CFAP47: variants seen among roughly 807,000 people sequenced by gnomAD.
The protein encoded by CFAP47 is cilia and flagella associated protein 47, also known as cilia- and flagella-associated protein 47.
A neutral mutation model predicts 148.1 loss-of-function variants in CFAP47; 29 were observed. The observed-to-expected ratio is 0.20, with a 90% confidence interval of 0.15 to 0.27. CFAP47 has a LOEUF of 0.27. Among genes scored for constraint, CFAP47 ranks in the 10% least tolerant of loss-of-function variants. The pLI is 1.00. For missense variants in CFAP47, 1,872 were observed against 1,697.5 expected, an observed-to-expected ratio of 1.10 and a Z score of -1.81; for synonymous variants, 664 against 577.3, an observed-to-expected ratio of 1.15 and a Z score of -2.15.
chrX:36,091,703 C>T (rs1339474525), intron 30 of CFAP47, among the ~76,000 whole-genome samples: 1 of 111,323 alleles, frequency 9.0e-6, no homozygotes, highest in Non-Finnish European at 1.9e-5. Flanking sequence ...CCATGTCAAA[C>T]TTAACTCTAG....
chrX:36,175,320 C>T (rs752469280), intron 39 of CFAP47, among the ~76,000 whole-genome samples: 1 of 112,362 alleles, frequency 8.9e-6, no homozygotes, highest in African/African-American at 3.2e-5. Flanking sequence ...CATTCTCCGT[C>T]TCTTTGTTCC....
chrX:36,329,766 G>GT (rs1178341041), intron 57 of CFAP47, among the ~76,000 whole-genome samples: 12 of 111,042 alleles, frequency 1.1e-4, no homozygotes, highest in African/African-American at 2.9e-4. Context: ...AATTTGATGA[G>GT]TTTTGGTTGC....
chrX:35,942,572 A>G (rs1244140020), intron 3 of CFAP47, among the ~76,000 whole-genome samples: 1 of 109,005 alleles, frequency 9.2e-6, no homozygotes, highest in African/African-American at 3.5e-5. Context: ...ATTTTAGAGC[A>G]CTGATATTTA....
Position 36,226,546 on chromosome X carries a change from C to T in CFAP47, c.6818-2082C>T, listed in dbSNP as rs188906472. Among the ~76,000 whole-genome samples the T allele has an allele frequency of 1.8e-4, 20 of 111,252 alleles. No individual in the cohort carries two copies. In the East Asian group the frequency reaches 5.6e-3, roughly 31 times the overall value. ...TTATTTTGGATATTTAAAAATGAAACAGATATTGATTTATAAATACATCAT... is the reference window on the plus strand; with the variant it reads ...TTATTTTGGATATTTAAAAATGAAATAGATATTGATTTATAAATACATCAT... On this transcript the variant is annotated intron_variant, in intron 45 of 63. Coordinates refer to ENST00000378653, the MANE Select transcript of CFAP47 (RefSeq NM_001304548.2).
chrX:36,373,623 C>A (rs1377317832), intron 62 of CFAP47, among the ~76,000 whole-genome samples: 1 of 111,329 alleles, frequency 9.0e-6, no homozygotes, highest in Non-Finnish European at 1.9e-5. Flanking sequence ...CATAGACATG[C>A]AAAGAGGGGG....
chrX:36,106,123 G>T (rs1429654783), intron 33 of CFAP47, among the ~76,000 whole-genome samples: 1 of 111,830 alleles, frequency 8.9e-6, no homozygotes, highest in African/African-American at 3.2e-5. Flanking sequence ...TCTAAAACAG[G>T]ATATCCTTCA....
chrX:36,001,383 TA>T (rs1936912982), intron 20 of CFAP47, among the ~76,000 whole-genome samples: 1 of 111,432 alleles, frequency 9.0e-6, no homozygotes. Context: ...TTCATCTGAG[TA>T]TGACTATAAC....
chrX:35,980,111 G>A (rs983006073), intron 15 of CFAP47, among the ~76,000 whole-genome samples: 3 of 112,061 alleles, frequency 2.7e-5, no homozygotes, highest in Admixed American at 9.5e-5. Flanking sequence ...GATGTCTCCA[G>A]TAAGGAAGGA....
chrX:36,373,095 A>G (rs893199396), intron 62 of CFAP47, among the ~76,000 whole-genome samples: 23 of 111,506 alleles, frequency 2.1e-4, no homozygotes, highest in African/African-American at 6.8e-4. Context: ...TAGAATTTTT[A>G]TAGATAGCAT....
intron 45 of CFAP47, among the ~76,000 whole-genome samples, chrX:36,209,664 A>G (rs1300721405): frequency 9.0e-6 from 1 of 111,638 alleles, no homozygotes; most frequent in African/African-American, 3.3e-5. Context: ...CAAGTAAAAA[A>G]TAAAAGGATA....
At chrX:36,219,420 C>G (rs1454905143) in intron 45 of CFAP47, among the ~76,000 whole-genome samples, 2 of 111,372 alleles carry the variant, frequency 1.8e-5, no homozygotes, top group African/African-American at 6.5e-5. Context: ...TCCATCATGG[C>G]TGGTAATTCA....
chrX:36,089,961 A>C (rs1938156742), intron 30 of CFAP47, among the ~76,000 whole-genome samples: 1 of 112,229 alleles, frequency 8.9e-6, no homozygotes, highest in Admixed American at 9.5e-5. Flanking sequence ...TCCTGAAACT[A>C]TTCCAATATA....
chrX:35,957,207 CAAA>C (rs371147219), intron 8 of CFAP47, among the ~76,000 whole-genome samples: 2 of 33,693 alleles, frequency 5.9e-5, no homozygotes, highest in Admixed American at 3.7e-4. Flanking sequence ...GACTCCATCT[CAAA>C]AAAAAAAAAA....
At chrX:36,104,769 A>G (rs1490503761) in intron 33 of CFAP47, 78 bp downstream of exon 33, 13 of 387,249 alleles carry the variant, frequency 3.4e-5, no homozygotes, top group Non-Finnish European at 5.8e-5. Flanking sequence ...TGGATACACA[A>G]TCAACTCAGA....
intron 3 of CFAP47, among the ~76,000 whole-genome samples, chrX:35,946,244 G>A (rs757782047): frequency 1.1e-3 from 121 of 111,623 alleles, no homozygotes; most frequent in African/African-American, 3.7e-3. Context: ...AATTTAAAAA[G>A]CCAAACAAAT....
In CFAP47 at chrX:36,291,950, G is replaced by A. The variant is rs782257893; in HGVS notation, c.7686+6224G>A. Among the ~76,000 whole-genome samples the A allele has an allele frequency of 2.5e-3, 272 of 110,998 alleles. 1 individual carries two copies. The highest frequency in any genetic ancestry group is 0.014 in the Middle Eastern group (3 of 214). ...AGTTAAGCAGGAGGTTACTTCCTAG[G>A]GATCGGTCCTTGCAATTAGAAATAT... On this transcript the variant is annotated intron_variant, in intron 51 of 63. Coordinates refer to ENST00000378653, the MANE Select transcript of CFAP47 (RefSeq NM_001304548.2).
rs1940478859 is a variant in CFAP47, at chrX:36,237,165, C to A, written c.7332+306C>A. On this transcript the variant is annotated intron_variant, in intron 48 of 63. Coordinates refer to ENST00000378653, the MANE Select transcript of CFAP47 (RefSeq NM_001304548.2). ...TGTACATGATAATAAATGGTGTTTTCAAAAATATTTAGAAACATCTTTTAA... is the reference window on the plus strand; with the variant it reads ...TGTACATGATAATAAATGGTGTTTTAAAAAATATTTAGAAACATCTTTTAA... Among the ~76,000 whole-genome samples the A allele has an allele frequency of 2.7e-5, 3 of 111,385 alleles. No homozygotes were observed. In the Admixed American group the frequency reaches 2.9e-4, roughly 11 times the overall value.
chrX:36,266,817 A>G (rs1428986763), intron 49 of CFAP47, among the ~76,000 whole-genome samples: 3 of 110,753 alleles, frequency 2.7e-5, no homozygotes, highest in East Asian at 2.9e-4. Flanking sequence ...AGCAGCTTAC[A>G]TATGTCAGAC....
At chrX:36,378,569 C>T (rs1203882932) in intron 62 of CFAP47, among the ~76,000 whole-genome samples, 2 of 111,753 alleles carry the variant, frequency 1.8e-5, no homozygotes, top group South Asian at 3.8e-4. Flanking sequence ...GATGGAGTTT[C>T]GCTCTTGTTG....
Sources: gnomAD v4.1 joint callset for allele counts (sites outside exome capture counted in the v4.1 genomes callset) on GRCh38, gnomAD v4.1.1 for gene constraint, MANE v1.5 for transcripts, NCBI Gene and HGNC (gene_info 2026-07-23, HGNC 2026-07-21) for gene names.